The following FRAS1 variants were observed in gnomAD, a reference collection of about 807,000 sequenced individuals.
FRAS1 encodes the protein Fraser extracellular matrix complex subunit 1, also known as extracellular matrix organizing protein FRAS1.
In FRAS1, 290 loss-of-function variants were observed where a neutral mutation model predicts 435.2. That is an observed-to-expected ratio of 0.67 (90% CI 0.61 to 0.73). FRAS1 has a LOEUF of 0.73. Among genes scored for constraint, FRAS1 ranks in the 30% least tolerant of loss-of-function variants. FRAS1 has a pLI of 0.00. For missense variants in FRAS1, 4,860 were observed against 5,001.5 expected (o/e 0.97, Z 0.85); for synonymous variants, 1,800 against 1,851.0 (o/e 0.97, Z 0.71).
At chr4:78,315,517 A>T in intron 15 of FRAS1, 77 bp from the exon 16 acceptor site, 1 of 1,431,092 alleles carries the variant, frequency 7.0e-7, no homozygotes, top group Non-Finnish European at 9.4e-7. Flanking sequence ...CCCATTGTGG[A>T]TATTGTAAAG....
At chr4:78,437,628 G>A (rs1309239344) in intron 38 of FRAS1, among the ~76,000 whole-genome samples, 1 of 152,180 alleles carries the variant, frequency 6.6e-6, no homozygotes, top group Non-Finnish European at 1.5e-5. Context: ...TGGTGTCTGT[G>A]CTCACATTCC....
chr4:78,388,040 A>G (rs1416965486), intron 29 of FRAS1, among the ~76,000 whole-genome samples: 1 of 152,170 alleles, frequency 6.6e-6, no homozygotes, highest in Admixed American at 6.5e-5. Context: ...AAAACAGCTC[A>G]TGAGGCCAGG....
At chr4:78,506,990 C>A (rs1720867130) in intron 61 of FRAS1, among the ~76,000 whole-genome samples, 2 of 152,176 alleles carry the variant, frequency 1.3e-5, no homozygotes, top group Admixed American at 1.3e-4. Flanking sequence ...TAACCTTGAG[C>A]CACTACTTCT....
intron 32 of FRAS1, among the ~76,000 whole-genome samples, chr4:78,415,871 G>C (rs1004323739): frequency 6.6e-6 from 1 of 151,978 alleles, no homozygotes; most frequent in African/African-American, 2.4e-5. Flanking sequence ...TCCTAGATGG[G>C]GGCCAGTCAG....
intron 34 of FRAS1, among the ~76,000 whole-genome samples, chr4:78,422,201 A>T (rs962051099): frequency 1.3e-5 from 2 of 151,652 alleles, no homozygotes; most frequent in Non-Finnish European, 2.9e-5. Flanking sequence ...TCATGCATTG[A>T]GGCATACTTT....
intron 2 of FRAS1, among the ~76,000 whole-genome samples, chr4:78,217,342 C>G (rs1014278820): frequency 2.6e-5 from 4 of 152,094 alleles, no homozygotes; most frequent in Non-Finnish European, 4.4e-5. Flanking sequence ...ATCCCTTAGC[C>G]CAGTCACATT....
chr4:78,462,687 A>G (rs1442410062), intron 47 of FRAS1, among the ~76,000 whole-genome samples: 1 of 152,196 alleles, frequency 6.6e-6, no homozygotes, highest in Non-Finnish European at 1.5e-5. Context: ...AAAGAATGGT[A>G]TGGATTTCTG....
In FRAS1 at chr4:78,452,230, C is replaced by T; in HGVS notation, c.6639C>T (p.Asn2213=). ...ATAAAGGACTGGTCTTGGATGAAAA[C>T]TCAGTGAAGAAAATCACCACCCTGC... ...TTNKGLVLDE[N]SVKKITTLQL... Residue 2213 remains asparagine (N), a synonymous_variant, in exon 47 of 74, where the codon AAC becomes AAT. Coordinates refer to ENST00000512123, the MANE Select transcript of FRAS1 (RefSeq NM_025074.7). 7 of 1,613,806 alleles carry T rather than the reference C, an allele frequency of 4.3e-6. No homozygotes were observed. Among genetic ancestry groups the T allele is most frequent in the Non-Finnish European group, 5.9e-6 (7 of 1,179,738 alleles).
chr4:78,326,958 CAGGGATCAT>C (rs1729743499), intron 18 of FRAS1, among the ~76,000 whole-genome samples: 1 of 152,030 alleles, frequency 6.6e-6, no homozygotes, highest in Non-Finnish European at 1.5e-5. Flanking sequence ...ATAGGCACTG[CAGGGATCAT>C]AGAGATGAAA....
intron 28 of FRAS1, among the ~76,000 whole-genome samples, chr4:78,386,808 G>A (rs72867955): frequency 3.2e-4 from 48 of 152,210 alleles, no homozygotes; most frequent in African/African-American, 1.1e-3. Context: ...TATTAGCCTT[G>A]TCACATGAAT....
intron 70 of FRAS1, among the ~76,000 whole-genome samples, chr4:78,532,705 T>A (rs1309860285): frequency 6.6e-6 from 1 of 152,250 alleles, no homozygotes; most frequent in Non-Finnish European, 1.5e-5. Context: ...ATCAGCTTTT[T>A]ATGATTCCAT....
chr4:78,347,179 C>A (rs1730638233), intron 20 of FRAS1, among the ~76,000 whole-genome samples: 2 of 152,206 alleles, frequency 1.3e-5, no homozygotes. Context: ...TCAATTGGCA[C>A]AATTCAAAAC....
In FRAS1 at chr4:78,519,339, C is replaced by T; in HGVS notation, c.10398C>T (p.Asp3466=). 2 of 1,549,038 alleles carry T rather than the reference C, an allele frequency of 1.3e-6. No individual in the cohort carries two copies. Among genetic ancestry groups the T allele is most frequent in the Non-Finnish European group, 1.7e-6 (2 of 1,152,710 alleles). The change falls in exon 67 of 74, where the codon GAC becomes GAT. Residue 3466 remains aspartate, a synonymous_variant. Coordinates refer to ENST00000512123, the MANE Select transcript of FRAS1 (RefSeq NM_025074.7). ...GSVTADFQVR[D]SAQSFLTVHV... is the part of the protein sequence containing the mutation. The stretch of plus-strand genomic sequence containing the variant: ...TACTGCTTCCTCGGCAGGTGAGGGA[C>T]TCTGCCCAGTCCTTCTTGACAGTGC...
intron 41 of FRAS1, 43 bp from the exon 42 acceptor site, chr4:78,445,479 A>G: frequency 6.7e-7 from 1 of 1,488,214 alleles, no homozygotes; most frequent in Non-Finnish European, 8.9e-7. Flanking sequence ...GTAAGCAGGA[A>G]TTGATAGATC....
intron 47 of FRAS1, among the ~76,000 whole-genome samples, chr4:78,454,630 A>G (rs779985318): frequency 7.2e-5 from 11 of 152,164 alleles, no homozygotes; most frequent in Admixed American, 2.0e-4. Context: ...GTATCTCTCC[A>G]AAGATGAAAG....
chr4:78,195,423 G>T (rs907548112), intron 2 of FRAS1, among the ~76,000 whole-genome samples: 1 of 152,266 alleles, frequency 6.6e-6, no homozygotes, highest in Admixed American at 6.5e-5. Flanking sequence ...GCTTCACCCA[G>T]TTCGAGCTTC....
intron 14 of FRAS1, among the ~76,000 whole-genome samples, chr4:78,301,195 G>C (rs1484186531): frequency 1.3e-5 from 2 of 152,174 alleles, no homozygotes; most frequent in Non-Finnish European, 2.9e-5. Flanking sequence ...ATTTTGGTCA[G>C]AATCAATGCC....
rs1037052635 is a variant in FRAS1, at chr4:78,181,691, C to T, written c.109-55819C>T. 3.1e-6 allele frequency: 5 copies of T among 1,609,734 alleles called. No homozygotes were observed. In the African/African-American group the frequency reaches 5.3e-5, roughly 17 times the overall value. On this transcript the variant is annotated intron_variant, in intron 2 of 73. Coordinates refer to ENST00000512123, the MANE Select transcript of FRAS1 (RefSeq NM_025074.7). ...TCTTCTATCAATTATTTTCCCCTCA[C>T]CCTGAAGTTGTTGATCAGGTCTTCT...
At chr4:78,094,867 C>T (rs1410215072) in intron 2 of FRAS1, among the ~76,000 whole-genome samples, 1 of 152,098 alleles carries the variant, frequency 6.6e-6, no homozygotes, top group Non-Finnish European at 1.5e-5. Context: ...GCCTTGATTT[C>T]CTCATCTGTA....
Sources: allele counts gnomAD v4.1 joint callset (sites outside exome capture counted in the v4.1 genomes callset), GRCh38; gene constraint gnomAD v4.1.1; transcripts MANE v1.5; gene names NCBI Gene and HGNC (gene_info 2026-07-23, HGNC 2026-07-21).